ZYX: variants seen among roughly 807,000 people sequenced by gnomAD.
ZYX encodes zyxin.
ZYX carries 37 observed loss-of-function variants against 58.1 expected under a neutral mutation model. The ratio of observed to expected loss-of-function variants is 0.64; its 90% CI spans 0.49 to 0.84. ZYX has a LOEUF of 0.84. ZYX is among the 40% of genes least tolerant of loss of function. The probability of loss-of-function intolerance (pLI) is 0.00; values close to 1 mark genes in which losing one functional copy is unlikely to be tolerated. For missense variants in ZYX, 762 were observed against 761.6 expected (o/e 1.00, Z -0.01); for synonymous variants, 324 against 321.1 (o/e 1.01, Z -0.10).
rs370303425 is a variant in ZYX at position 143,388,512 on chromosome 7, C to G, written c.1168C>G (p.Pro390Ala). The change falls in exon 7 of 10, where the codon CCC becomes GCC. Residue 390 changes from proline to alanine, a missense_variant. Pro to Ala is a conservative substitution (Grantham distance 27, BLOSUM62 -1). Transcript: ENST00000322764. This position sits in a 1 kb window ranked among gnomAD's most constrained non-coding sequence, Gnocchi z 7.5. ...AGAACTCTGCGGCCGATGCCATCAA[C>G]CCCTGGCCCGGGCGCAGCCAGCCGT... is the stretch of plus-strand genomic sequence containing the variant. Reference protein sequence around the residue: ...VNELCGRCHQPLARAQPAVRA... With the variant: ...VNELCGRCHQALARAQPAVRA... 3.1e-6 allele frequency: 5 copies of G among 1,610,334 alleles called. No individual in the cohort carries two copies. Among genetic ancestry groups the G allele is most frequent in the Admixed American group, 3.3e-5 (2 of 60,004 alleles).
In ZYX at chr7:143,390,286, G is replaced by A. The variant is rs1805024526; in HGVS notation, c.1615-292G>A. On this transcript the variant is annotated intron_variant, in intron 9 of 9. Transcript: ENST00000322764. This position sits in a 1 kb window ranked among gnomAD's most constrained non-coding sequence, Gnocchi z 4.3. Reference sequence around the variant, plus strand: ...GGGGAAACAGGAGCTGAGAGAAGAGGTCTTCGAATGGAGGTGAGCCAACCT... The same window carrying A: ...GGGGAAACAGGAGCTGAGAGAAGAGATCTTCGAATGGAGGTGAGCCAACCT... 2 of 547,102 alleles carry A rather than the reference G, an allele frequency of 3.7e-6. No homozygotes were observed. The highest frequency in any genetic ancestry group is 6.6e-6 in the Non-Finnish European group (2 of 304,192). The allele number at this position is 547,102 out of a possible 1,614,324, so 33.9% of individuals were successfully genotyped here.
Position 143,383,105 on chromosome 7 carries a change from T to C in ZYX, c.806T>C (p.Val269Ala). 1 of 1,614,200 alleles carries C rather than the reference T, an allele frequency of 6.2e-7. No individual in the cohort carries two copies. The highest frequency in any genetic ancestry group is 1.1e-5 in the South Asian group (1 of 91,082). Residue 269 changes from valine (V) to alanine (A), a missense_variant, in exon 5 of 10, where the codon GTG (valine) becomes GCG (alanine). Val to Ala is a moderately conservative substitution (Grantham distance 64, BLOSUM62 0). Transcript: ENST00000322764. Reference sequence around the variant, plus strand: ...GCTCCAGCCCCTAAGTTTTCTCCAGTGACTCCTAAGTTTACTCCTGTGGCT... The same window carrying C: ...GCTCCAGCCCCTAAGTTTTCTCCAGCGACTCCTAAGTTTACTCCTGTGGCT... Reference protein sequence around the residue: ...SPAPAPKFSPVTPKFTPVASK... With the variant: ...SPAPAPKFSPATPKFTPVASK...
rs1003746643 is a variant in ZYX at position 143,384,283 on chromosome 7, G to A, written c.1023+961G>A. On this transcript the variant is annotated intron_variant, in intron 5 of 9. Transcript: ENST00000322764. This position sits in a 1 kb window ranked among gnomAD's most constrained non-coding sequence, Gnocchi z 4.9. Reference sequence around the variant, plus strand: ...CACTCAGACCAGGGAGTCAACTCGGGGAGTCAAATTAGGAAAGGCTTCGAA... The same window carrying A: ...CACTCAGACCAGGGAGTCAACTCGGAGAGTCAAATTAGGAAAGGCTTCGAA... The A allele has an allele frequency of 2.1e-6, 1 of 471,000 alleles. No homozygotes were observed. Among genetic ancestry groups the A allele is most frequent in the African/African-American group, 2.0e-5 (1 of 50,046 alleles). 29.2% of individuals were successfully genotyped at this position (471,000 alleles called of 1,614,324 possible). A position where few individuals can be genotyped will look rare whatever the true frequency, so the allele number is the denominator to read the frequency against.
chr7:143,390,492 C>A lies in ZYX; in HGVS notation c.1615-86C>A. 2 of 1,017,068 alleles carry A rather than the reference C, an allele frequency of 2.0e-6. No individual in the cohort carries two copies. Among genetic ancestry groups the A allele is most frequent in the Non-Finnish European group, 2.9e-6 (2 of 679,392 alleles). 63.0% of individuals were successfully genotyped at this position (1,017,068 alleles called of 1,614,324 possible). A position where few individuals can be genotyped will look rare whatever the true frequency, so the allele number is the denominator to read the frequency against. Reference sequence around the variant, plus strand: ...TGAGCCATGAAGCATCTTTCTAATTCCAAGATGGAGCTGGATGGGGTGGGG... The same window carrying A: ...TGAGCCATGAAGCATCTTTCTAATTACAAGATGGAGCTGGATGGGGTGGGG... On this transcript the variant is annotated intron_variant, in intron 9 of 9. Transcript: ENST00000322764. The surrounding 1 kb of genome is among the most constrained non-coding windows in gnomAD (Gnocchi z 4.3).
rs1158618257 is a variant in ZYX at position 143,390,416 on chromosome 7, G to A, written c.1615-162G>A. ...AGGTCCTAGTGGGTGACTGGAAGTA[G>A]GATAGGGATGGGGAGTTGGGTGTGG... On this transcript the variant is annotated intron_variant, in intron 9 of 9. Transcript: ENST00000322764. This position sits in a 1 kb window ranked among gnomAD's most constrained non-coding sequence, Gnocchi z 4.3. 1.6e-6 allele frequency: 1 copy of A among 628,194 alleles called. No individual in the cohort carries two copies. Among genetic ancestry groups the A allele is most frequent in the African/African-American group, 1.8e-5 (1 of 54,830 alleles). 38.9% of individuals were successfully genotyped at this position (628,194 alleles called of 1,614,324 possible). A position where few individuals can be genotyped will look rare whatever the true frequency, so the allele number is the denominator to read the frequency against.
chr7:143,384,315 G>C lies in ZYX; in HGVS notation c.1023+993G>C. On this transcript the variant is annotated intron_variant, in intron 5 of 9. Transcript: ENST00000322764. This position sits in a 1 kb window ranked among gnomAD's most constrained non-coding sequence, Gnocchi z 4.9. ...AATTAGGAAAGGCTTCGAAGGATGG[G>C]CAGGACGTAAGAATCCAGAGAGGAG... is the stretch of plus-strand genomic sequence containing the variant. 1 of 468,726 alleles carries C rather than the reference G, an allele frequency of 2.1e-6. No homozygotes were observed. Among genetic ancestry groups the C allele is most frequent in the Non-Finnish European group, 4.4e-6 (1 of 225,622 alleles). The allele number at this position is 468,726 out of a possible 1,614,324, so 29.0% of individuals were successfully genotyped here.
chr7:143,388,038 T>G lies in ZYX; in HGVS notation c.1024-181T>G. On this transcript the variant is annotated intron_variant, in intron 5 of 9. Coordinates refer to ENST00000322764, the MANE Select transcript of ZYX (RefSeq NM_003461.5). This position sits in a 1 kb window ranked among gnomAD's most constrained non-coding sequence, Gnocchi z 7.5. ...AGGCTTAGGTCCCTTCCCCTGTTAT[T>G]TGTGTGGTGCTGGGGATGGCGGGGG... 1 of 673,210 alleles carries G rather than the reference T, an allele frequency of 1.5e-6. No individual in the cohort carries two copies. Among genetic ancestry groups the G allele is most frequent in the Non-Finnish European group, 2.5e-6 (1 of 394,562 alleles). 41.7% of individuals were successfully genotyped at this position (673,210 alleles called of 1,614,324 possible). A position where few individuals can be genotyped will look rare whatever the true frequency, so the allele number is the denominator to read the frequency against.
At position 143,389,913 on chromosome 7, in the gene ZYX, G is replaced by T. The variant is rs773528813; in HGVS notation, c.1550G>T (p.Arg517Leu). 5.0e-6 allele frequency: 8 copies of T among 1,614,192 alleles called. No homozygotes were observed. The South Asian group carries it at 8.8e-5, about 18-fold the overall frequency. The stretch of plus-strand genomic sequence containing the variant: ...GAGCCCATCATGCCTGAGCCTGGCC[G>T]AGATGAGACTGTGCGAGTGGTCGCC... Reference protein sequence around the residue: ...CSEPIMPEPGRDETVRVVALD... With the variant: ...CSEPIMPEPGLDETVRVVALD... Residue 517 changes from arginine to leucine, a missense_variant, in exon 9 of 10, where the codon CGA (arginine) becomes CTA (leucine). Transcript: ENST00000322764. The surrounding 1 kb of genome is among the most constrained non-coding windows in gnomAD (Gnocchi z 5.6).
rs751245780 is a variant in ZYX, at chr7:143,381,582, C to T, written c.11C>T (p.Pro4Leu). 1.2e-6 allele frequency: 2 copies of T among 1,610,500 alleles called. No homozygotes were observed. The highest frequency in any genetic ancestry group is 1.7e-6 in the Non-Finnish European group (2 of 1,178,824). MAAPRPSPAISVSV... is the reference protein window; with the variant it reads MAALRPSPAISVSV... ...CAGCCCGGCCCGGCCATGGCGGCCC[C>T]CCGCCCGTCTCCCGCGATCTCCGTT... Residue 4 changes from proline (P) to leucine (L), a missense_variant, in exon 2 of 10, where the codon CCC becomes CTC. Pro to Leu is a moderately conservative substitution (Grantham distance 98). Transcript: ENST00000322764.
rs1348294301 is a variant in ZYX, at chr7:143,388,120, G to A, written c.1024-99G>A. Reference sequence around the variant, plus strand: ...AGCCTGAGCATCTGGGACACGAGCTGGGAGCTAAGCCTCATCGGAAGAAGC... The same window carrying A: ...AGCCTGAGCATCTGGGACACGAGCTAGGAGCTAAGCCTCATCGGAAGAAGC... On this transcript the variant is annotated intron_variant, in intron 5 of 9. Transcript: ENST00000322764. The surrounding 1 kb of genome is among the most constrained non-coding windows in gnomAD (Gnocchi z 7.5). The A allele has an allele frequency of 1.4e-6, 2 of 1,415,322 alleles. No individual in the cohort carries two copies. The highest frequency in any genetic ancestry group is 1.9e-6 in the Non-Finnish European group (2 of 1,054,342). The allele number at this position is 1,415,322 out of a possible 1,614,324, so 87.7% of individuals were successfully genotyped here. A position where few individuals can be genotyped will look rare whatever the true frequency, so the allele number is the denominator to read the frequency against.
chr7:143,381,580 C>G lies in ZYX; in HGVS notation c.9C>G (p.Ala3=), dbSNP rs763944977. 6.2e-7 allele frequency: 1 copy of G among 1,610,210 alleles called. No individual in the cohort carries two copies. The highest frequency in any genetic ancestry group is 1.7e-4 in the Middle Eastern group (1 of 6,030). MA[A]PRPSPAISVS... is the part of the protein sequence containing the mutation. ...AGCAGCCCGGCCCGGCCATGGCGGC[C>G]CCCCGCCCGTCTCCCGCGATCTCCG... Residue 3 remains alanine (A), a synonymous_variant, in exon 2 of 10, where the codon GCC becomes GCG. Coordinates refer to ENST00000322764, the MANE Select transcript of ZYX (RefSeq NM_003461.5).
Position 143,382,401 on chromosome 7 carries a change from C to A in ZYX, c.362C>A (p.Pro121Gln), listed in dbSNP as rs761060898. The A allele has an allele frequency of 7.6e-6, 12 of 1,580,288 alleles. No individual in the cohort carries two copies. The highest frequency in any genetic ancestry group is 1.7e-4 in the Middle Eastern group (1 of 5,884). ...ATCTTCCCTTCCCCGCCGCCTCCTC[C>A]GGAGGAGGAGGGAGGGCCTGAGGCC... ...EEIFPSPPPP[P>Q]EEEGGPEAPI... Residue 121 changes from proline to glutamine, a missense_variant, in exon 3 of 10, where the codon CCG (proline) becomes CAG (glutamine). Physicochemically the swap from Pro to Gln is moderately conservative, Grantham distance 76. Transcript: ENST00000322764.
At position 143,388,498 on chromosome 7, in the gene ZYX, G is replaced by A; in HGVS notation, c.1154G>A (p.Gly385Asp). 1 of 1,610,064 alleles carries A rather than the reference G, an allele frequency of 6.2e-7. No individual in the cohort carries two copies. Among genetic ancestry groups the A allele is most frequent in the South Asian group, 1.1e-5 (1 of 91,018 alleles). Reference sequence around the variant, plus strand: ...TCTCTGGCCTTCCCAGAACTCTGCGGCCGATGCCATCAACCCCTGGCCCGG... The same window carrying A: ...TCTCTGGCCTTCCCAGAACTCTGCGACCGATGCCATCAACCCCTGGCCCGG... ...RQNVAVNELC[G>D]RCHQPLARAQ... Residue 385 changes from glycine to aspartate, a missense_variant, in exon 7 of 10, where the codon GGC (glycine) becomes GAC (aspartate). Physicochemically the swap from Gly to Asp is moderately conservative, Grantham distance 94 (BLOSUM62 -1). Transcript: ENST00000322764. The surrounding 1 kb of genome is among the most constrained non-coding windows in gnomAD (Gnocchi z 7.5).
At chr7:143,386,114 GT>G in intron 5 of ZYX, among the ~76,000 whole-genome samples, 1 of 151,926 alleles carries the variant, frequency 6.6e-6, no homozygotes, top group East Asian at 1.9e-4. Flanking sequence ...GAGGGTGTGT[GT>G]GTTTGAGTCT....
rs919207467 is a variant in ZYX at position 143,381,650 on chromosome 7, G to A, written c.79G>A (p.Gly27Ser). The change falls in exon 2 of 10, where the codon GGC (glycine) becomes AGC (serine). Residue 27 changes from glycine (G) to serine (S), a missense_variant. By Grantham distance (56) the Gly-to-Ser change is moderately conservative. Coordinates refer to ENST00000322764, the MANE Select transcript of ZYX (RefSeq NM_003461.5). ...PAFYAPQKKF[G>S]PVVAPKPKVN... ...TTTTTACGCCCCGCAGAAGAAGTTC[G>A]GCCCTGTGGTGGCCCCAAAGCCCAA... 13 of 1,612,142 alleles carry A rather than the reference G, an allele frequency of 8.1e-6. No individual in the cohort carries two copies. The African/African-American group carries it at 1.5e-4, about 18-fold the overall frequency.
In ZYX at chr7:143,389,381, C is replaced by T. The variant is rs1804988720; in HGVS notation, c.1493+436C>T. 6.6e-6 allele frequency among the ~76,000 whole-genome samples: 1 copy of T among 152,166 alleles called. No individual in the cohort carries two copies. Among genetic ancestry groups the T allele is most frequent in the African/African-American group, 2.4e-5 (1 of 41,434 alleles). On this transcript the variant is annotated intron_variant, in intron 8 of 9. Coordinates refer to ENST00000322764, the MANE Select transcript of ZYX (RefSeq NM_003461.5). This position sits in a 1 kb window ranked among gnomAD's most constrained non-coding sequence, Gnocchi z 5.6. ...CTGTGGGAACAGTGCAGAATCTGAC[C>T]CCCACCTCTGACAGAGTGTTTGGGT...
chr7:143,387,920 C>G lies in ZYX; in HGVS notation c.1024-299C>G, dbSNP rs1260472078. On this transcript the variant is annotated intron_variant, in intron 5 of 9. Coordinates refer to ENST00000322764, the MANE Select transcript of ZYX (RefSeq NM_003461.5). This position sits in a 1 kb window ranked among gnomAD's most constrained non-coding sequence, Gnocchi z 5.8. ...CTTCAGTGACCCGAGCTGCTGTGTG[C>G]GTGGCCTCCGTCCGCCCAGTCATTC... 1 of 520,984 alleles carries G rather than the reference C, an allele frequency of 1.9e-6. No individual in the cohort carries two copies. Among genetic ancestry groups the G allele is most frequent in the African/African-American group, 1.9e-5 (1 of 52,554 alleles). 32.3% of individuals were successfully genotyped at this position (520,984 alleles called of 1,614,324 possible). A position where few individuals can be genotyped will look rare whatever the true frequency, so the allele number is the denominator to read the frequency against.
Position 143,389,505 on chromosome 7 carries a change from T to C in ZYX, c.1494-352T>C, listed in dbSNP as rs112227456. Among the ~76,000 whole-genome samples the C allele has an allele frequency of 4.0e-5, 6 of 151,662 alleles. No homozygotes were observed. Among genetic ancestry groups the C allele is most frequent in the African/African-American group, 1.2e-4 (5 of 41,348 alleles). The stretch of plus-strand genomic sequence containing the variant: ...GGCAACGTGCATGGGGGTGGGAGGA[T>C]TGGGGGAAGGTGAGGGTCAGGGACC... On this transcript the variant is annotated intron_variant, in intron 8 of 9. Transcript: ENST00000322764. The surrounding 1 kb of genome is among the most constrained non-coding windows in gnomAD (Gnocchi z 5.6).
rs1401114563 is a variant in ZYX, at chr7:143,390,573, C to T, written c.1615-5C>T. 1 of 1,559,098 alleles carries T rather than the reference C, an allele frequency of 6.4e-7. No homozygotes were observed. Among genetic ancestry groups the T allele is most frequent in the Non-Finnish European group, 8.7e-7 (1 of 1,150,554 alleles). On this transcript the variant is annotated splice_region_variant and splice_polypyrimidine_tract_variant and intron_variant, in intron 9 of 9. Transcript: ENST00000322764. The surrounding 1 kb of genome is among the most constrained non-coding windows in gnomAD (Gnocchi z 4.3). ...CCAGTGCCCCTCACCCTTCCTTCTT[C>T]CCAGGACTGCGGGAAGCCCCTGTCG...
Sources: gnomAD v4.1 joint callset for allele counts (sites outside exome capture counted in the v4.1 genomes callset) on GRCh38, gnomAD v4.1.1 for gene constraint, Gnocchi (gnomAD v3.1) non-coding constraint, MANE v1.5 for transcripts, NCBI Gene and HGNC (gene_info 2026-07-23, HGNC 2026-07-21) for gene names.